PPOX: variants seen among roughly 807,000 people sequenced by gnomAD.
The protein encoded by PPOX is variegate porphyria.
In PPOX, 23 loss-of-function variants were observed where a neutral mutation model predicts 54.1. The observed-to-expected ratio is 0.43, with a 90% CI of 0.31 to 0.60. The LOEUF (loss-of-function observed/expected upper bound fraction) is 0.60. Among genes scored for constraint, PPOX ranks in the 20% least tolerant of loss-of-function variants. PPOX has a pLI of 0.13. For missense variants in PPOX, 512 were observed against 601.1 expected, an observed-to-expected ratio of 0.85 and a Z score of 1.55; for synonymous variants, 224 against 236.1, an observed-to-expected ratio of 0.95 and a Z score of 0.47.
chr1:161,177,255 G>A (rs983225304), downstream of PPOX: 20 of 628,634 alleles, frequency 3.2e-5, no homozygotes, highest in African/African-American at 3.1e-4. Flanking sequence ...TCTTGCTTTT[G>A]CCCTACCTAC....
At chr1:161,171,840 G>A (rs1469090630), downstream of PPOX, 2 of 1,614,038 alleles carry the variant, frequency 1.2e-6, no homozygotes, top group Non-Finnish European at 1.7e-6. Flanking sequence ...GGAGGGCTGT[G>A]TGGTTGGCAG....
rs1659401597 is a variant in PPOX, at chr1:161,167,500, C to T, written c.338+14C>T. 1 of 1,610,970 alleles carries T rather than the reference C, an allele frequency of 6.2e-7. No homozygotes were observed. The highest frequency in any genetic ancestry group is 8.5e-7 in the Non-Finnish European group (1 of 1,179,542). ...CACTGGCCTCAGGTAACACCAGCAC[C>T]TCCGCTCCTTTTACTGTGCCCTCAT... On this transcript the variant is annotated intron_variant, in intron 4 of 12. Transcript: ENST00000367999.
downstream of PPOX, chr1:161,172,326 C>T (rs201732378): frequency 2.2e-5 from 35 of 1,613,626 alleles, no homozygotes; most frequent in East Asian, 6.7e-5. Context: ...CCCAGCCAGG[C>T]GCACCCTATG....
rs1660210849 is a variant in PPOX at position 161,169,142 on chromosome 1, C to CGG, written c.766_767insGG (p.Pro256ArgfsTer18). 2 of 1,614,024 alleles carry CGG rather than the reference C, an allele frequency of 1.2e-6. No individual in the cohort carries two copies. The highest frequency in any genetic ancestry group is 1.7e-5 in the Admixed American group (1 of 60,008). On this transcript the variant is annotated frameshift_variant, in exon 7 of 13. Coordinates refer to ENST00000367999, the MANE Select transcript of PPOX (RefSeq NM_001122764.3). LOFTEE classifies it high-confidence loss of function. The stretch of plus-strand genomic sequence containing the variant: ...GGGGGTCAGTGTTCTCAGAGGCCAG[C>CGG]CGGTCTGTGGGCTCAGCCTCCAGGC...
In PPOX at chr1:161,166,604, C is replaced by G; in HGVS notation, c.-77C>G. On this transcript the variant is annotated 5_prime_UTR_variant, in exon 1 of 13. Transcript: ENST00000367999. Reference sequence around the variant, plus strand: ...GCCCTTATCTGCACCCAGCAGAGCGCCGGCGGGGTACGGTCTTAGGACCTC... The same window carrying G: ...GCCCTTATCTGCACCCAGCAGAGCGGCGGCGGGGTACGGTCTTAGGACCTC... 1 of 1,436,790 alleles carries G rather than the reference C, an allele frequency of 7.0e-7. No individual in the cohort carries two copies. The highest frequency in any genetic ancestry group is 9.1e-7 in the Non-Finnish European group (1 of 1,098,218). 89.0% of individuals were successfully genotyped at this position (1,436,790 alleles called of 1,614,324 possible).
downstream of PPOX, chr1:161,171,859 G>C: frequency 4.3e-6 from 7 of 1,614,180 alleles, no homozygotes; most frequent in Non-Finnish European, 5.9e-6. Flanking sequence ...AGTAGATAGA[G>C]GCCCAGGCCT....
chr1:161,165,919 G>C (rs1488065721), upstream of PPOX: 1 of 170,660 alleles, frequency 5.9e-6, no homozygotes, highest in African/African-American at 2.4e-5. Flanking sequence ...AAAGAGGAAA[G>C]GCATACTTGA....
downstream of PPOX, chr1:161,172,265 C>G (rs754441286): frequency 6.2e-7 from 1 of 1,614,138 alleles, no homozygotes; most frequent in Non-Finnish European, 8.5e-7. Context: ...CTCCTCGGTG[C>G]TTCACCATCT....
At position 161,170,724 on chromosome 1, in the gene PPOX, A is replaced by C. The variant is rs776530007; in HGVS notation, c.1203A>C (p.Leu401Phe). ...QRAQEAAATQLGLKEMPSHCL... is the reference protein window; with the variant it reads ...QRAQEAAATQFGLKEMPSHCL... The stretch of plus-strand genomic sequence containing the variant: ...CCCAGGAAGCAGCTGCTACACAATT[A>C]GGACTGAAGGAGATGCCGAGCCACT... The change falls in exon 11 of 13, where the codon TTA becomes TTC. Residue 401 changes from leucine to phenylalanine, a missense_variant. Physicochemically the swap from Leu to Phe is conservative, Grantham distance 22 (BLOSUM62 0). Coordinates refer to ENST00000367999, the MANE Select transcript of PPOX (RefSeq NM_001122764.3). The C allele has an allele frequency of 2.5e-6, 4 of 1,614,128 alleles. No homozygotes were observed.
At position 161,166,904 on chromosome 1, in the gene PPOX, C is replaced by T. The variant is rs879747824; in HGVS notation, c.57C>T (p.Tyr19=). 23 of 1,613,752 alleles carry T rather than the reference C, an allele frequency of 1.4e-5. No individual in the cohort carries two copies. Among genetic ancestry groups the T allele is most frequent in the Admixed American group, 3.3e-5 (2 of 60,014 alleles). The part of the protein sequence containing the change: ...GGGISGLAAS[Y]HLSRAPCPPK... ...GCATCAGCGGCTTGGCCGCCAGTTA[C>T]CACCTGAGCCGGGCCCCCTGCCCCC... The change falls in exon 2 of 13, where the codon TAC becomes TAT. Residue 19 remains tyrosine (Y), a synonymous_variant. Transcript: ENST00000367999.
chr1:161,173,768 G>T, downstream of PPOX: 1 of 1,613,068 alleles, frequency 6.2e-7, no homozygotes, highest in East Asian at 2.2e-5. Flanking sequence ...AGTCTTCTGG[G>T]GACACATCCC....
At chr1:161,171,596 T>G (rs1661448841), downstream of PPOX, 4 of 635,548 alleles carry the variant, frequency 6.3e-6, no homozygotes, top group Non-Finnish European at 1.1e-5. Flanking sequence ...ACATCAAGGA[T>G]TCACAGTCAT....
downstream of PPOX, chr1:161,175,864 C>A (rs945022926): frequency 1.5e-5 from 24 of 1,614,018 alleles, no homozygotes; most frequent in Non-Finnish European, 1.9e-5. Context: ...TGGAGGACCC[C>A]CTGGGGCCCC....
chr1:161,171,247 G>A, downstream of PPOX: 1 of 1,609,966 alleles, frequency 6.2e-7, no homozygotes, highest in South Asian at 1.1e-5. Context: ...ATCACCTATA[G>A]GCATAAGAAT....
chr1:161,168,915 C>T lies in PPOX; in HGVS notation c.617-78C>T, dbSNP rs548514709. ...CTGACCTCAAGTGATCCACCCGCCT[C>T]GGCCTCCTAAAGTGCTGGGATTACA... On this transcript the variant is annotated intron_variant, in intron 6 of 12. Transcript: ENST00000367999. The T allele has an allele frequency of 6.8e-5, 105 of 1,547,050 alleles. No individual in the cohort carries two copies. In the African/African-American group the frequency reaches 8.7e-4, roughly 13 times the overall value.
chr1:161,169,345 A>C (rs754703412), intron 7 of PPOX, 162 bp downstream of exon 7: 1 of 867,114 alleles, frequency 1.2e-6, no homozygotes, highest in Non-Finnish European at 1.8e-6. Flanking sequence ...CTATTTGTGA[A>C]CCTTCCTCAA....
At position 161,167,506 on chromosome 1, in the gene PPOX, T is replaced by C. The variant is rs755597837; in HGVS notation, c.338+20T>C. 6.2e-7 allele frequency: 1 copy of C among 1,604,560 alleles called. No individual in the cohort carries two copies. The highest frequency in any genetic ancestry group is 8.5e-7 in the Non-Finnish European group (1 of 1,176,364). On this transcript the variant is annotated intron_variant, in intron 4 of 12. Coordinates refer to ENST00000367999, the MANE Select transcript of PPOX (RefSeq NM_001122764.3). ...CCTCAGGTAACACCAGCACCTCCGC[T>C]CCTTTTACTGTGCCCTCATCCTCAT...
At position 161,167,454 on chromosome 1, in the gene PPOX, C is replaced by T. The variant is rs1422656757; in HGVS notation, c.306C>T (p.Gly102=). 8 of 1,609,172 alleles carry T rather than the reference C, an allele frequency of 5.0e-6. No individual in the cohort carries two copies. The East Asian group carries it at 9.0e-5, about 18-fold the overall frequency. ...CCCAGAACAGGTTCCTCTACGTGGGCGGTGCCCTGCATGCCCTACCCACTG... is the reference window on the plus strand; with the variant it reads ...CCCAGAACAGGTTCCTCTACGTGGGTGGTGCCCTGCATGCCCTACCCACTG... ...PAAQNRFLYV[G]GALHALPTGL... The change falls in exon 4 of 13, where the codon GGC becomes GGT. Residue 102 remains glycine, a synonymous_variant. Coordinates refer to ENST00000367999, the MANE Select transcript of PPOX (RefSeq NM_001122764.3).
chr1:161,170,504 T>C lies in PPOX; in HGVS notation c.1083T>C (p.Pro361=). 3.1e-6 allele frequency: 5 copies of C among 1,614,194 alleles called. No individual in the cohort carries two copies. The highest frequency in any genetic ancestry group is 4.2e-6 in the Non-Finnish European group (5 of 1,179,996). The change falls in exon 10 of 13, where the codon CCT becomes CCC. Residue 361 remains proline, a synonymous_variant. Transcript: ENST00000367999. ...VAFPEQDGSP[P]GLRVTVMLGG... ...TCCCTGAGCAGGACGGGAGCCCCCC[T>C]GGCCTCAGAGTGACTGTGAGGAGGA...
Sources: gnomAD v4.1 joint callset for allele counts on GRCh38, gnomAD v4.1.1 for gene constraint, MANE v1.5 for transcripts, NCBI Gene and HGNC (gene_info 2026-07-23, HGNC 2026-07-21) for gene names.